ACTR3B: variants seen among roughly 807,000 people sequenced by gnomAD.
ACTR3B encodes actin related protein 3B.
ACTR3B carries 8 observed loss-of-function variants against 59.0 expected under a neutral mutation model. The ratio of observed to expected loss-of-function variants is 0.14; its 90% CI spans 0.08 to 0.24. The LOEUF is 0.24. Ranked by LOEUF, ACTR3B falls within the 10% of genes least tolerant of loss-of-function variation. ACTR3B has a pLI of 1.00. For synonymous variants in ACTR3B, 148 were observed against 197.9 expected (o/e 0.75, Z 2.12); for missense variants, 245 against 552.3 (o/e 0.44, Z 5.58).
intron 1 of ACTR3B, among the ~76,000 whole-genome samples, chr7:152,780,862 TC>T (rs1197281079): frequency 1.5e-5 from 2 of 129,352 alleles, no homozygotes; most frequent in Admixed American, 7.8e-5. Flanking sequence ...TTTTTTTTTT[TC>T]GAGACAGGAT....
chr7:152,788,275 T>G (rs952861518), intron 2 of ACTR3B, among the ~76,000 whole-genome samples: 13 of 151,846 alleles, frequency 8.6e-5, no homozygotes, highest in African/African-American at 3.2e-4. Context: ...ATTTATAGAT[T>G]AATTGGGGAA....
intron 9 of ACTR3B, 66 bp from the exon 10 acceptor site, chr7:152,852,060 T>A: frequency 6.2e-7 from 1 of 1,611,336 alleles, no homozygotes; most frequent in South Asian, 1.1e-5. Context: ...AGTTCTGTTG[T>A]GGGTGGTTCC....
chr7:152,785,478 A>AGC (rs2098170346), intron 2 of ACTR3B, among the ~76,000 whole-genome samples: 1 of 41,370 alleles, frequency 2.4e-5, no homozygotes, highest in Non-Finnish European at 4.4e-5. Flanking sequence ...GGGGAGGGAG[A>AGC]GAGAGAGAGA....
chr7:152,836,373 T>C (rs1372739951), intron 9 of ACTR3B, among the ~76,000 whole-genome samples: 3 of 151,876 alleles, frequency 2.0e-5, no homozygotes, highest in Non-Finnish European at 2.9e-5. Flanking sequence ...CAAGGCAGAA[T>C]TGCTTGAGCC....
intron 1 of ACTR3B, among the ~76,000 whole-genome samples, chr7:152,781,881 G>C (rs1311221014): frequency 2.6e-5 from 4 of 152,162 alleles, no homozygotes; most frequent in South Asian, 4.1e-4. Flanking sequence ...GAGTTGTGGA[G>C]CTGGAGAGGG....
intron 1 of ACTR3B, among the ~76,000 whole-genome samples, chr7:152,770,296 C>T (rs1316239208): frequency 6.6e-6 from 1 of 152,184 alleles, no homozygotes; most frequent in Non-Finnish European, 1.5e-5. Context: ...GGCATCCCCG[C>T]CCATCTCTGG....
At chr7:152,760,014 C>T in intron 1 of ACTR3B, 88 bp downstream of exon 1, 2 of 1,182,264 alleles carry the variant, frequency 1.7e-6, no homozygotes, top group East Asian at 3.3e-5. Flanking sequence ...CGAGCTGCGT[C>T]CGTCGCCCCG....
intron 9 of ACTR3B, among the ~76,000 whole-genome samples, chr7:152,850,344 A>G (rs568233928): frequency 2.0e-5 from 3 of 151,104 alleles, no homozygotes; most frequent in Admixed American, 2.0e-4. Flanking sequence ...GTGGAAGGCC[A>G]GCTTCTCCAG....
At chr7:152,790,874 A>G (rs2098193320) in intron 2 of ACTR3B, among the ~76,000 whole-genome samples, 1 of 152,164 alleles carries the variant, frequency 6.6e-6, no homozygotes, top group Non-Finnish European at 1.5e-5. Context: ...CTTCTCGATA[A>G]CCTTCCTTAG....
chr7:152,829,816 C>T (rs573290555), intron 9 of ACTR3B, among the ~76,000 whole-genome samples: 3 of 152,194 alleles, frequency 2.0e-5, no homozygotes, highest in African/African-American at 7.2e-5. Context: ...GTAACTTGCA[C>T]GCTTTACTTG....
At chr7:152,823,288 C>G in intron 7 of ACTR3B, 54 bp from the exon 8 acceptor site, 1 of 1,595,138 alleles carries the variant, frequency 6.3e-7, no homozygotes, top group Non-Finnish European at 8.6e-7. Context: ...TGTCTGAGGG[C>G]AGAGACACTG....
intron 2 of ACTR3B, among the ~76,000 whole-genome samples, chr7:152,785,223 G>A (rs2098167488): frequency 6.6e-6 from 1 of 151,030 alleles, no homozygotes. Context: ...AGCGAAGACA[G>A]TTATTATCAG....
chr7:152,774,287 C>T (rs2098131353), intron 1 of ACTR3B, among the ~76,000 whole-genome samples: 2 of 152,176 alleles, frequency 1.3e-5, no homozygotes, highest in African/African-American at 4.8e-5. Context: ...CAGGCATGCG[C>T]CACCGCACCC....
chr7:152,764,252 C>T (rs1227277346), intron 1 of ACTR3B, among the ~76,000 whole-genome samples: 6 of 152,022 alleles, frequency 3.9e-5, no homozygotes, highest in Non-Finnish European at 8.8e-5. Flanking sequence ...GGTGATCTGC[C>T]CACCTCTGCC....
At chr7:152,793,084 A>G (rs563738870) in intron 2 of ACTR3B, among the ~76,000 whole-genome samples, 178 of 142,770 alleles carry the variant, frequency 1.2e-3, no homozygotes, top group African/African-American at 4.4e-3. Flanking sequence ...GTGTTTTGGA[A>G]TGGATTTTTT....
chr7:152,832,686 ATAAAC>A (rs1797125240), intron 9 of ACTR3B, among the ~76,000 whole-genome samples: 1 of 152,182 alleles, frequency 6.6e-6, no homozygotes, highest in Non-Finnish European at 1.5e-5. Context: ...TACATTATCT[ATAAAC>A]TGTAAGGAAT....
At chr7:152,770,370 A>G (rs1475934427) in intron 1 of ACTR3B, among the ~76,000 whole-genome samples, 2 of 152,322 alleles carry the variant, frequency 1.3e-5, no homozygotes, top group East Asian at 1.9e-4. Context: ...CAGCAGAGCT[A>G]GGAGCTGATG....
chr7:152,823,134 A>T (rs1026816938), intron 7 of ACTR3B, among the ~76,000 whole-genome samples: 3 of 152,338 alleles, frequency 2.0e-5, no homozygotes, highest in Non-Finnish European at 2.9e-5. Context: ...CAGAGAAAGC[A>T]GACTTACCTG....
rs1170957221 is a variant in ACTR3B at position 152,795,063 on chromosome 7, C to T, written c.101-5468C>T. 9.8e-4 allele frequency among the ~76,000 whole-genome samples: 139 copies of T among 142,426 alleles called. 1 individual carries two copies. Among genetic ancestry groups the T allele is most frequent in the Non-Finnish European group, 2.1e-4 (14 of 66,360 alleles). 93.4% of individuals were successfully genotyped at this position (142,426 alleles called of 152,430 possible). ...TTTTTTTTTTTTTTTGAGATGGAGT[C>T]TCACTTTGTCACCCAGGCTGGAGTG... On this transcript the variant is annotated intron_variant, in intron 2 of 11. Coordinates refer to ENST00000256001, the MANE Select transcript of ACTR3B (RefSeq NM_020445.6).
Sources: allele counts gnomAD v4.1 joint callset (sites outside exome capture counted in the v4.1 genomes callset), GRCh38; gene constraint gnomAD v4.1.1; transcripts MANE v1.5; gene names NCBI Gene and HGNC (gene_info 2026-07-23, HGNC 2026-07-21).